The following SLFN12L variants were observed in gnomAD, a reference collection of about 807,000 sequenced individuals.
SLFN12L encodes schlafen family member 12 like.
Under a neutral mutation model 34.8 loss-of-function variants are expected in SLFN12L, and 34 were observed. The ratio of observed to expected loss-of-function variants is 0.98; its 90% CI spans 0.74 to 1.30. The LOEUF (loss-of-function observed/expected upper bound fraction) is 1.30. SLFN12L is among the 50% of genes most tolerant of loss of function. SLFN12L has a pLI of 0.00. For synonymous variants in SLFN12L, 259 were observed against 247.5 expected, an observed-to-expected ratio of 1.05 and a Z score of -0.44; for missense variants, 703 against 696.2, an observed-to-expected ratio of 1.01 and a Z score of -0.11.
intron 4 of SLFN12L, among the ~76,000 whole-genome samples, chr17:35,476,158 A>C (rs948107942): frequency 2.0e-5 from 3 of 152,086 alleles, no homozygotes; most frequent in African/African-American, 7.2e-5. Flanking sequence ...AAGAAAACAG[A>C]GGTCAGACTT....
At chr17:35,528,457 A>G (rs1471947674) in intron 1 of SLFN12L, among the ~76,000 whole-genome samples, 2 of 152,264 alleles carry the variant, frequency 1.3e-5, no homozygotes, top group African/African-American at 2.4e-5. Flanking sequence ...TTACAAGGCT[A>G]CAATAACCAA....
intron 2 of SLFN12L, chr17:35,491,184 C>T: frequency 1.1e-6 from 1 of 921,142 alleles, no homozygotes; most frequent in South Asian, 1.6e-5. Flanking sequence ...TCAGCGATCT[C>T]TTTGATGCCT....
intron 1 of SLFN12L, among the ~76,000 whole-genome samples, chr17:35,529,541 G>A (rs2072370348): frequency 6.6e-6 from 1 of 152,148 alleles, no homozygotes; most frequent in Admixed American, 6.6e-5. Context: ...GCATTGCTTT[G>A]CAGGGACATG....
intron 2 of SLFN12L, among the ~76,000 whole-genome samples, chr17:35,485,955 CT>C (rs2142135518): frequency 6.6e-6 from 1 of 152,200 alleles, no homozygotes; most frequent in East Asian, 1.9e-4. Flanking sequence ...CTGTTTTGTT[CT>C]TTTTGTTTAG....
chr17:35,475,633 T>C (rs1484198999), intron 4 of SLFN12L, 148 bp from the exon 5 acceptor site: 4 of 1,281,566 alleles, frequency 3.1e-6, no homozygotes, highest in Non-Finnish European at 3.1e-6. Context: ...GCATGGTGGC[T>C]CACACCTGTA....
At chr17:35,495,723 T>G (rs1310276432) in intron 2 of SLFN12L, among the ~76,000 whole-genome samples, 3 of 133,730 alleles carry the variant, frequency 2.2e-5, no homozygotes, top group African/African-American at 8.6e-5. Flanking sequence ...CAGAGATTGG[T>G]GCCCACTCGA....
intron 1 of SLFN12L, among the ~76,000 whole-genome samples, chr17:35,535,810 C>T (rs2072455493): frequency 6.6e-6 from 1 of 152,066 alleles, no homozygotes; most frequent in Admixed American, 6.5e-5. Context: ...CACGCACCAC[C>T]ACTCCCAGGT....
intron 2 of SLFN12L, among the ~76,000 whole-genome samples, chr17:35,489,674 G>A (rs1914753217): frequency 6.6e-6 from 1 of 151,984 alleles, no homozygotes; most frequent in Non-Finnish European, 1.5e-5. Flanking sequence ...AAAATCAATC[G>A]GCCTATTCAC....
intron 2 of SLFN12L, among the ~76,000 whole-genome samples, chr17:35,497,887 A>G (rs1326994430): frequency 6.6e-6 from 1 of 152,202 alleles, no homozygotes; most frequent in Non-Finnish European, 1.5e-5. Context: ...AAGTCTTAGT[A>G]AGGAAAGGAT....
chr17:35,495,615 G>A (rs1174086034), intron 2 of SLFN12L, among the ~76,000 whole-genome samples: 1 of 152,046 alleles, frequency 6.6e-6, no homozygotes, highest in Non-Finnish European at 1.5e-5. Flanking sequence ...GCCTTCTTTG[G>A]CTCTCCCCGG....
chr17:35,499,750 GA>G, intron 2 of SLFN12L: 1 of 241,690 alleles, frequency 4.1e-6, no homozygotes, highest in Non-Finnish European at 6.6e-6. Context: ...CCCACTTTGA[GA>G]AGTAACACAG....
intron 2 of SLFN12L, among the ~76,000 whole-genome samples, chr17:35,488,805 C>T (rs1380744267): frequency 2.0e-5 from 3 of 152,132 alleles, no homozygotes; most frequent in African/African-American, 7.2e-5. Context: ...CGCGGTGGCT[C>T]AGGACTGTAA....
In SLFN12L at chr17:35,496,173, T is replaced by C. The variant is rs541484564; in HGVS notation, c.87-15978A>G. On this transcript the variant is annotated intron_variant, in intron 2 of 4. Coordinates refer to ENST00000628453, the MANE Select transcript of SLFN12L (RefSeq NM_001363830.2). ...TGGAGACACCACCTGTGGTCATCCC[T>C]GGGGAATGAGGTTCAGAACTATTCC... 4.6e-5 allele frequency among the ~76,000 whole-genome samples: 7 copies of C among 152,052 alleles called. No individual in the cohort carries two copies. The South Asian group carries it at 1.5e-3, about 32-fold the overall frequency.
chr17:35,506,474 A>G (rs1222771620), intron 2 of SLFN12L, among the ~76,000 whole-genome samples: 1 of 152,102 alleles, frequency 6.6e-6, no homozygotes, highest in Non-Finnish European at 1.5e-5. Context: ...GTAATAACCA[A>G]TCCCCTTGAT....
At chr17:35,523,559 C>G (rs531055826) in intron 1 of SLFN12L, among the ~76,000 whole-genome samples, 1 of 152,170 alleles carries the variant, frequency 6.6e-6, no homozygotes, top group Non-Finnish European at 1.5e-5. Context: ...GAGGCTCCCC[C>G]CCATTACAAA....
chr17:35,529,664 A>G (rs1016782513), intron 1 of SLFN12L, among the ~76,000 whole-genome samples: 13 of 151,528 alleles, frequency 8.6e-5, no homozygotes, highest in African/African-American at 2.9e-4. Flanking sequence ...CGGACACATA[A>G]AGGGGAACAT....
At chr17:35,487,825 T>C (rs1030538868) in intron 2 of SLFN12L, 6 of 1,414,298 alleles carry the variant, frequency 4.2e-6, no homozygotes, top group Non-Finnish European at 5.8e-6. Flanking sequence ...AGCCCCTCGC[T>C]CAGCTGCATT....
In SLFN12L at chr17:35,478,306, G is replaced by A. The variant is rs527310863; in HGVS notation, c.1166-121C>T. On this transcript the variant is annotated intron_variant, in intron 3 of 4. Transcript: ENST00000628453. Reference sequence around the variant, plus strand: ...GAACTGATCCTGCATTCCCAATACAGAACATTAGATATTGTGGTTACATAT... The same window carrying A: ...GAACTGATCCTGCATTCCCAATACAAAACATTAGATATTGTGGTTACATAT... 8.6e-5 allele frequency: 53 copies of A among 615,778 alleles called. No individual in the cohort carries two copies. The East Asian group carries it at 1.0e-3, about 12-fold the overall frequency. 38.1% of individuals were successfully genotyped at this position (615,778 alleles called of 1,614,324 possible).
In SLFN12L at chr17:35,469,099, G is replaced by T. The variant is rs1017220073; in HGVS notation, c.*5824C>A. On this transcript the variant is annotated 3_prime_UTR_variant, in exon 5 of 5. Transcript: ENST00000628453. ...CTGAGTCAATCCCTCAACCCACTGGGAAGAGGACCACTAACTCCCCAGTGC... is the reference window on the plus strand; with the variant it reads ...CTGAGTCAATCCCTCAACCCACTGGTAAGAGGACCACTAACTCCCCAGTGC... Among the ~76,000 whole-genome samples, 1 of 151,150 alleles carries T rather than the reference G, an allele frequency of 6.6e-6. No individual in the cohort carries two copies. Among genetic ancestry groups the T allele is most frequent in the African/African-American group, 2.4e-5 (1 of 41,044 alleles).
Sources: gnomAD v4.1 joint callset for allele counts (sites outside exome capture counted in the v4.1 genomes callset) on GRCh38, gnomAD v4.1.1 for gene constraint, MANE v1.5 for transcripts, NCBI Gene and HGNC (gene_info 2026-07-23, HGNC 2026-07-21) for gene names.